The following SORCS1 variants were observed in gnomAD, a reference collection of about 807,000 sequenced individuals.
SORCS1 encodes sortilin related VPS10 domain containing receptor 1, also known as VPS10 domain-containing receptor SorCS1.
SORCS1 carries 60 observed loss-of-function variants against 146.1 expected under a neutral mutation model. That is an observed-to-expected ratio of 0.41 (90% CI 0.33 to 0.51). SORCS1 has a LOEUF of 0.51. SORCS1 is among the 20% of genes least tolerant of loss of function. The probability of loss-of-function intolerance (pLI) is 0.21; values close to 1 mark genes in which losing one functional copy is unlikely to be tolerated. For missense variants in SORCS1, 1,352 were observed against 1,487.6 expected (o/e 0.91, Z 1.50); for synonymous variants, 637 against 584.0 (o/e 1.09, Z -1.31).
At chr10:107,067,882 G>T (rs1962035851) in intron 1 of SORCS1, among the ~76,000 whole-genome samples, 1 of 152,176 alleles carries the variant, frequency 6.6e-6, no homozygotes, top group Non-Finnish European at 1.5e-5. Context: ...CTCAGAAAGT[G>T]CCTGGCACAT....
At chr10:106,775,508 T>G (rs574645283) in intron 4 of SORCS1, among the ~76,000 whole-genome samples, 144 of 152,372 alleles carry the variant, frequency 9.5e-4, no homozygotes, top group African/African-American at 3.3e-3. Flanking sequence ...AGTAGAGACC[T>G]TGGGAAGTTG....
chr10:106,834,275 G>A (rs1199453497), intron 2 of SORCS1, among the ~76,000 whole-genome samples: 1 of 152,168 alleles, frequency 6.6e-6, no homozygotes, highest in African/African-American at 2.4e-5. Flanking sequence ...CCGATATGCT[G>A]GTTAAATATT....
chr10:107,062,259 C>T (rs1263367197), intron 1 of SORCS1, among the ~76,000 whole-genome samples: 2 of 152,094 alleles, frequency 1.3e-5, no homozygotes, highest in Non-Finnish European at 2.9e-5. Context: ...TGGAAAAATA[C>T]AAGCTATCCC....
intron 1 of SORCS1, among the ~76,000 whole-genome samples, chr10:107,027,833 AC>A (rs1958476351): frequency 6.6e-6 from 1 of 152,106 alleles, no homozygotes; most frequent in African/African-American, 2.4e-5. Context: ...CTGTCAAGTT[AC>A]CCCTACCACT....
In SORCS1 at chr10:107,029,144, T is replaced by C. The variant is rs543573744; in HGVS notation, c.559-72564A>G. Among the ~76,000 whole-genome samples the C allele has an allele frequency of 1.9e-3, 295 of 152,328 alleles. 2 individuals carry two copies. The highest frequency in any genetic ancestry group is 6.8e-3 in the African/African-American group (282 of 41,570). On this transcript the variant is annotated intron_variant, in intron 1 of 25. Transcript: ENST00000263054. ...AGATACTTTGCTAGATGCTCTCTCA[T>C]GGAATGTCAATCAATAGTTATACTT... is the stretch of plus-strand genomic sequence containing the variant.
chr10:107,056,305 T>G (rs937862650), intron 1 of SORCS1, among the ~76,000 whole-genome samples: 4 of 152,202 alleles, frequency 2.6e-5, no homozygotes, highest in African/African-American at 9.6e-5. Context: ...GAACAAGTCA[T>G]TTACTGAACT....
intron 9 of SORCS1, among the ~76,000 whole-genome samples, chr10:106,688,616 T>C (rs1853055156): frequency 6.6e-6 from 1 of 152,154 alleles, no homozygotes. Context: ...GAGCCCGCAG[T>C]TGCCAAGAGA....
chr10:106,666,566 T>C (rs1851163589), intron 17 of SORCS1, among the ~76,000 whole-genome samples: 1 of 151,234 alleles, frequency 6.6e-6, no homozygotes, highest in East Asian at 1.9e-4. Context: ...TTTTTTTTTT[T>C]TTTTTCTTGA....
chr10:106,669,319 G>C (rs934797607), intron 16 of SORCS1, among the ~76,000 whole-genome samples: 28 of 151,720 alleles, frequency 1.8e-4, no homozygotes, highest in African/African-American at 6.3e-4. Context: ...AGAAGCAAAT[G>C]TTTCAAGGAG....
intron 1 of SORCS1, among the ~76,000 whole-genome samples, chr10:107,054,671 G>A (rs1960430440): frequency 6.6e-6 from 1 of 152,176 alleles, no homozygotes. Flanking sequence ...TCATCTAAAT[G>A]CTGTGAACTC....
At chr10:106,904,017 C>A (rs1017463842) in intron 2 of SORCS1, among the ~76,000 whole-genome samples, 5 of 152,188 alleles carry the variant, frequency 3.3e-5, no homozygotes, top group African/African-American at 1.2e-4. Flanking sequence ...TCTTGAAAAA[C>A]ACAGCTGTTT....
chr10:106,936,658 T>C (rs2138667659), intron 2 of SORCS1, among the ~76,000 whole-genome samples: 1 of 152,346 alleles, frequency 6.6e-6, no homozygotes, highest in Middle Eastern at 3.4e-3. Context: ...TTTCCTGAAC[T>C]CTGATTTCCT....
intron 1 of SORCS1, among the ~76,000 whole-genome samples, chr10:106,989,925 A>T (rs1956697655): frequency 6.6e-6 from 1 of 151,790 alleles, no homozygotes; most frequent in African/African-American, 2.4e-5. Flanking sequence ...TGACCTCGAG[A>T]TCCACCTGCC....
At chr10:106,998,954 C>G (rs575009204) in intron 1 of SORCS1, among the ~76,000 whole-genome samples, 1 of 152,308 alleles carries the variant, frequency 6.6e-6, no homozygotes, top group Admixed American at 6.5e-5. Context: ...TTGTTGCTGA[C>G]TACAGAAGTT....
chr10:106,988,547 T>C (rs1376963314), intron 1 of SORCS1, among the ~76,000 whole-genome samples: 1 of 152,096 alleles, frequency 6.6e-6, no homozygotes, highest in Non-Finnish European at 1.5e-5. Context: ...ATTCTTACTT[T>C]TTTTTTTTAG....
intron 21 of SORCS1, among the ~76,000 whole-genome samples, chr10:106,614,257 C>CT (rs1847201623): frequency 2.6e-5 from 4 of 152,100 alleles, no homozygotes; most frequent in African/African-American, 9.7e-5. Context: ...ATTTAATAAA[C>CT]ATTTTTTATG....
intron 18 of SORCS1, among the ~76,000 whole-genome samples, chr10:106,639,141 G>A (rs1848901842): frequency 6.6e-6 from 1 of 152,150 alleles, no homozygotes; most frequent in African/African-American, 2.4e-5. Context: ...CTGAGCAGAG[G>A]GTCATGGAAT....
At chr10:106,864,046 C>T (rs1950133109) in intron 2 of SORCS1, among the ~76,000 whole-genome samples, 1 of 152,126 alleles carries the variant, frequency 6.6e-6, no homozygotes, top group Admixed American at 6.5e-5. Flanking sequence ...TCTTCAAAAC[C>T]CGCACAGTAT....
chr10:106,707,175 T>A (rs1370340028), intron 7 of SORCS1, among the ~76,000 whole-genome samples: 1 of 134,656 alleles, frequency 7.4e-6, no homozygotes, highest in African/African-American at 2.7e-5. Context: ...TCTAGGTCTC[T>A]TCTATTTAAT....
Sources: allele counts gnomAD v4.1 joint callset (sites outside exome capture counted in the v4.1 genomes callset), GRCh38; gene constraint gnomAD v4.1.1; transcripts MANE v1.5; gene names NCBI Gene and HGNC (gene_info 2026-07-23, HGNC 2026-07-21).